BFSP1: variants seen among roughly 807,000 people sequenced by gnomAD.
BFSP1 encodes the protein filensin.
BFSP1 carries 38 observed loss-of-function variants against 43.9 expected under a neutral mutation model. That is an observed-to-expected ratio of 0.87 (90% CI 0.67 to 1.14). The LOEUF is 1.14. BFSP1 is among the 50% of genes most tolerant of loss of function. The pLI is 0.00. For synonymous variants in BFSP1, 352 were observed against 354.8 expected (o/e 0.99, Z 0.09); for missense variants, 850 against 875.1 (o/e 0.97, Z 0.36).
chr20:17,555,237 T>G (rs946933276), intron 1 of BFSP1, among the ~76,000 whole-genome samples: 4 of 143,680 alleles, frequency 2.8e-5, no homozygotes, highest in Non-Finnish European at 6.0e-5. Context: ...CAGTGAGCTG[T>G]GTTCGTGCTG....
chr20:17,513,273 C>T (rs1188194380), intron 3 of BFSP1, among the ~76,000 whole-genome samples: 1 of 152,100 alleles, frequency 6.6e-6, no homozygotes, highest in Admixed American at 6.5e-5. Context: ...ACATCAGTGA[C>T]AAAAAATCAC....
At chr20:17,535,020 C>T (rs1568708043), upstream of BFSP1, among the ~76,000 whole-genome samples, 1 of 151,666 alleles carries the variant, frequency 6.6e-6, no homozygotes, top group South Asian at 2.1e-4. Flanking sequence ...GACTCCATCT[C>T]AAAAATAAAA....
intron 1 of BFSP1, among the ~76,000 whole-genome samples, chr20:17,564,862 T>G (rs2035101865): frequency 6.6e-6 from 1 of 152,174 alleles, no homozygotes; most frequent in Non-Finnish European, 1.5e-5. Flanking sequence ...GTGCTGGGAT[T>G]ACAGGTGTGA....
In BFSP1 at chr20:17,530,999, G is replaced by A; in HGVS notation, c.331C>T (p.Arg111Cys). Residue 111 changes from arginine (R) to cysteine (C), a missense_variant, in exon 1 of 8, where the codon CGC becomes TGC. Transcript: ENST00000377873. ...DLEAERARLE[R>C]QGTEAQRALD... Reference sequence around the variant, plus strand: ...GCGCGCTGCGCCTCGGTGCCCTGGCGCTCCAGCCGGGCGCGCTCGGCCTCC... The same window carrying A: ...GCGCGCTGCGCCTCGGTGCCCTGGCACTCCAGCCGGGCGCGCTCGGCCTCC... The A allele has an allele frequency of 2.1e-6, 3 of 1,437,502 alleles. No homozygotes were observed. The highest frequency in any genetic ancestry group is 2.8e-5 in the Admixed American group (1 of 35,786). 89.0% of individuals were successfully genotyped at this position (1,437,502 alleles called of 1,614,324 possible).
At chr20:17,517,822 C>G (rs1465697545) in intron 2 of BFSP1, among the ~76,000 whole-genome samples, 3 of 152,170 alleles carry the variant, frequency 2.0e-5, no homozygotes, top group African/African-American at 7.2e-5. Flanking sequence ...TGCAGGTGCT[C>G]CACAGCCACA....
intron 4 of BFSP1, among the ~76,000 whole-genome samples, chr20:17,511,617 A>G (rs1305219788): frequency 6.6e-6 from 1 of 152,258 alleles, no homozygotes; most frequent in Non-Finnish European, 1.5e-5. Flanking sequence ...TGGCAAGGAC[A>G]GGAAGCCACA....
chr20:17,505,517 G>C (rs946785978), intron 5 of BFSP1, among the ~76,000 whole-genome samples: 12 of 152,262 alleles, frequency 7.9e-5, no homozygotes, highest in Non-Finnish European at 1.5e-4. Context: ...GCTCTCTCTC[G>C]GCCCGCCCTC....
At chr20:17,527,685 G>A (rs562557278) in intron 1 of BFSP1, among the ~76,000 whole-genome samples, 3 of 152,078 alleles carry the variant, frequency 2.0e-5, no homozygotes, top group East Asian at 1.9e-4. Flanking sequence ...CCGAGATCAC[G>A]CCACTGCACT....
intron 2 of BFSP1, chr20:17,517,232 T>C: frequency 9.6e-7 from 1 of 1,040,782 alleles, no homozygotes; most frequent in South Asian, 1.3e-5. Flanking sequence ...CTGGAGTGTT[T>C]ATGGCAAGCC....
chr20:17,564,363 TAA>T lies in BFSP1; in HGVS notation n.51-1270_51-1269del, dbSNP rs11087214. Among the ~76,000 whole-genome samples, 621 of 137,068 alleles carry T rather than the reference TAA, an allele frequency of 4.5e-3. 1 individual carries two copies. The highest frequency in any genetic ancestry group is 7.3e-3 in the Middle Eastern group (2 of 274). The allele number at this position is 137,068 out of a possible 152,430, so 89.9% of individuals were successfully genotyped here. A position where few individuals can be genotyped will look rare whatever the true frequency, so the allele number is the denominator to read the frequency against. On this transcript the variant is annotated intron_variant and non_coding_transcript_variant, in intron 1 of 6. Coordinates refer to the BFSP1 transcript ENST00000473415. ...GCCTGGGTGAGAGTGAGAACCTGGC[TAA>T]AAAAAAAAAAAAAAATGAAGAAATT... is the stretch of plus-strand genomic sequence containing the variant.
intron 1 of BFSP1, among the ~76,000 whole-genome samples, chr20:17,526,024 C>G (rs1055899691): frequency 6.6e-6 from 1 of 150,888 alleles, no homozygotes. Flanking sequence ...GTCCCAAATA[C>G]TGTACAGTAT....
chr20:17,539,453 T>C (rs2034681031), intron 1 of BFSP1, among the ~76,000 whole-genome samples: 2 of 152,028 alleles, frequency 1.3e-5, no homozygotes, highest in African/African-American at 4.8e-5. Context: ...CATATATTCA[T>C]AGATTGAACA....
intron 1 of BFSP1, among the ~76,000 whole-genome samples, chr20:17,539,008 T>A (rs1181217205): frequency 1.3e-5 from 2 of 151,684 alleles, no homozygotes; most frequent in Non-Finnish European, 2.9e-5. Context: ...ATGCCCACTC[T>A]GTCCTAAAAA....
upstream of BFSP1, among the ~76,000 whole-genome samples, chr20:17,534,279 G>A (rs1284671518): frequency 1.3e-5 from 2 of 152,224 alleles, no homozygotes; most frequent in African/African-American, 4.8e-5. Flanking sequence ...GGCAGGGACA[G>A]GAAATGGATG....
chr20:17,566,086 C>CCAG (rs2046620445), intron 1 of BFSP1, among the ~76,000 whole-genome samples: 1 of 141,526 alleles, frequency 7.1e-6, no homozygotes, highest in Non-Finnish European at 1.5e-5. Flanking sequence ...CCACTGTACT[C>CCAG]CAGCCTGGGT....
chr20:17,516,957 G>C lies in BFSP1; in HGVS notation c.439-2141C>G. On this transcript the variant is annotated intron_variant, in intron 2 of 7. Coordinates refer to ENST00000377873, the MANE Select transcript of BFSP1 (RefSeq NM_001195.5). ...CCAGGATAAGGAAAGAATTCCTCCT[G>C]ATCAGTAAAGACTGATCTTTGCTAG... 4.0e-6 allele frequency: 3 copies of C among 748,354 alleles called. No individual in the cohort carries two copies. In the South Asian group the frequency reaches 4.2e-5, roughly 10 times the overall value. 46.4% of individuals were successfully genotyped at this position (748,354 alleles called of 1,614,324 possible).
At chr20:17,564,936 T>G (rs2035103110) in intron 1 of BFSP1, among the ~76,000 whole-genome samples, 1 of 144,622 alleles carries the variant, frequency 6.9e-6, no homozygotes, top group Admixed American at 6.8e-5. Context: ...CCATGTAACT[T>G]TTTTTTTTTT....
chr20:17,508,892 T>TGCCTGCAGCTCCACTCTCTGC lies in BFSP1; in HGVS notation c.711_731dup (p.Arg239_Gln245dup). ...CACGCGGCAGACTCGAGCGTACCTG[T>TGCCTGCAGCTCCACTCTCTGC]GCCTGCAGCTCCACTCTCTGCGCCT... On this transcript the variant is annotated inframe_insertion, in exon 5 of 8. Transcript: ENST00000377873. 1 of 1,590,656 alleles carries TGCCTGCAGCTCCACTCTCTGC rather than the reference T, an allele frequency of 6.3e-7. No individual in the cohort carries two copies. The highest frequency in any genetic ancestry group is 8.5e-7 in the Non-Finnish European group (1 of 1,169,906).
rs541827898 is a variant in BFSP1 at position 17,553,926 on chromosome 20, A to G, written c.2+4762T>C. 3.4e-5 allele frequency among the ~76,000 whole-genome samples: 5 copies of G among 148,730 alleles called. 1 individual carries two copies. Among genetic ancestry groups the G allele is most frequent in the African/African-American group, 1.2e-4 (5 of 40,508 alleles). On this transcript the variant is annotated intron_variant, in intron 1 of 7. Coordinates refer to the BFSP1 transcript ENST00000377868. ...CTGATGGCAAGTCTGAGTAAATACAAGAGAAGTCACAATTTAATTATCTTT... is the reference window on the plus strand; with the variant it reads ...CTGATGGCAAGTCTGAGTAAATACAGGAGAAGTCACAATTTAATTATCTTT...
Sources: gnomAD v4.1 joint callset for allele counts (sites outside exome capture counted in the v4.1 genomes callset) on GRCh38, gnomAD v4.1.1 for gene constraint, MANE v1.5 for transcripts, NCBI Gene and HGNC (gene_info 2026-07-23, HGNC 2026-07-21) for gene names.